Variants in CDC42SE2 observed in about 807,000 individuals in gnomAD.
The protein encoded by CDC42SE2 is CDC42 small effector protein 2.
Under a neutral mutation model 11.5 loss-of-function variants are expected in CDC42SE2, and 3 were observed. The ratio of observed to expected loss-of-function variants is 0.26; its 90% CI spans 0.12 to 0.67. CDC42SE2 has a LOEUF of 0.67. Ranked by LOEUF, CDC42SE2 falls within the 30% of genes least tolerant of loss-of-function variation. The probability of loss-of-function intolerance (pLI) is 0.80; values close to 1 mark genes in which losing one functional copy is unlikely to be tolerated. For synonymous variants in CDC42SE2, 33 were observed against 34.8 expected (o/e 0.95, Z 0.18); for missense variants, 82 against 106.8 (o/e 0.77, Z 1.02).
At chr5:131,350,257 G>A (rs553868377) in intron 2 of CDC42SE2, among the ~76,000 whole-genome samples, 5 of 151,390 alleles carry the variant, frequency 3.3e-5, no homozygotes, top group South Asian at 2.1e-4. Context: ...CTTCCTACTC[G>A]CTCATGTATA....
At chr5:131,367,644 A>G (rs992004733) in intron 3 of CDC42SE2, among the ~76,000 whole-genome samples, 2 of 152,186 alleles carry the variant, frequency 1.3e-5, no homozygotes, top group East Asian at 1.9e-4. Flanking sequence ...CTTGTGTGAA[A>G]GACATGCCTG....
intron 3 of CDC42SE2, among the ~76,000 whole-genome samples, chr5:131,375,657 A>C (rs1259579408): frequency 6.6e-6 from 1 of 152,212 alleles, no homozygotes; most frequent in Non-Finnish European, 1.5e-5. Context: ...ATACAGTACA[A>C]GTTCATGTAT....
intron 1 of CDC42SE2, among the ~76,000 whole-genome samples, chr5:131,305,971 G>T (rs1757770038): frequency 6.6e-6 from 1 of 152,090 alleles, no homozygotes; most frequent in Non-Finnish European, 1.5e-5. Context: ...TCTTTTCCTT[G>T]TGGATATCCA....
intron 2 of CDC42SE2, among the ~76,000 whole-genome samples, chr5:131,342,715 T>C (rs1396935540): frequency 2.0e-5 from 3 of 151,834 alleles, no homozygotes; most frequent in South Asian, 2.1e-4. Context: ...CATTGATTCT[T>C]TTTTATTTTT....
At chr5:131,259,278 T>C (rs1226727513), upstream of CDC42SE2, among the ~76,000 whole-genome samples, 2 of 152,220 alleles carry the variant, frequency 1.3e-5, no homozygotes, top group African/African-American at 4.8e-5. Flanking sequence ...GTATACATAA[T>C]ATACACTCAA....
intron 1 of CDC42SE2, among the ~76,000 whole-genome samples, chr5:131,290,850 G>C (rs1365230597): frequency 1.3e-5 from 2 of 151,954 alleles, no homozygotes; most frequent in Admixed American, 1.3e-4. Flanking sequence ...ATAGTAATTA[G>C]AACCTCATGG....
intron 3 of CDC42SE2, among the ~76,000 whole-genome samples, chr5:131,375,500 C>T (rs1750126381): frequency 6.6e-6 from 1 of 152,112 alleles, no homozygotes; most frequent in African/African-American, 2.4e-5. Context: ...TTTGGTTTCT[C>T]TGTGGTGATC....
rs1750758917 is a variant in CDC42SE2 at position 131,393,837 on chromosome 5, T to TG, written c.*2746_*2747insG. The stretch of plus-strand genomic sequence containing the variant: ...TCGCTGTTTTTTTTTTTTTTTTTTT[T>TG]TTTTTTGCTGCTCCAACGACCAGCA... On this transcript the variant is annotated 3_prime_UTR_variant, in exon 5 of 5. Transcript: ENST00000505065. The TG allele has an allele frequency of 2.1e-5, 3 of 145,638 alleles. No homozygotes were observed. The highest frequency in any genetic ancestry group is 7.7e-5 in the African/African-American group (3 of 38,954). 9.0% of individuals were successfully genotyped at this position (145,638 alleles called of 1,614,324 possible).
the CDC42SE2 span, among the ~76,000 whole-genome samples, chr5:131,225,676 C>T: frequency 6.6e-6 from 1 of 152,174 alleles, no homozygotes; most frequent in South Asian, 2.1e-4. Flanking sequence ...TCTCCCCTTG[C>T]ATGAAGAACC....
At chr5:131,322,051 C>T (rs1385384211) in intron 2 of CDC42SE2, among the ~76,000 whole-genome samples, 4 of 152,022 alleles carry the variant, frequency 2.6e-5, no homozygotes, top group East Asian at 3.9e-4. Flanking sequence ...GGGGTTTCAC[C>T]GTGTTAGCCA....
the CDC42SE2 span, among the ~76,000 whole-genome samples, chr5:131,232,828 C>T: frequency 6.6e-6 from 1 of 151,100 alleles, no homozygotes; most frequent in South Asian, 2.1e-4. Context: ...TTGACTAATC[C>T]TCATCATGCT....
chr5:131,388,229 C>G (rs896439721), intron 4 of CDC42SE2, among the ~76,000 whole-genome samples: 3 of 152,046 alleles, frequency 2.0e-5, no homozygotes, highest in Non-Finnish European at 4.4e-5. Context: ...TCCGGACCTC[C>G]GGTGATCCAC....
chr5:131,311,037 G>T (rs137878797), intron 1 of CDC42SE2, among the ~76,000 whole-genome samples: 33 of 149,878 alleles, frequency 2.2e-4, no homozygotes, highest in African/African-American at 6.2e-4. Flanking sequence ...TTCCTAGTCT[G>T]GATGGTCTTT....
intron 1 of CDC42SE2, among the ~76,000 whole-genome samples, chr5:131,313,575 A>G (rs185144479): frequency 3.9e-5 from 6 of 152,268 alleles, no homozygotes; most frequent in Admixed American, 2.6e-4. Context: ...TGAGAAAGCT[A>G]TCCTTTCTCT....
Position 131,337,129 on chromosome 5 carries a change from C to T in CDC42SE2, c.-286+20985C>T, listed in dbSNP as rs566273445. Reference sequence around the variant, plus strand: ...TACTTTTGGTCTTTGATGATGGTGACGTACAGATGGGTTTTTGGTGTGGAT... The same window carrying T: ...TACTTTTGGTCTTTGATGATGGTGATGTACAGATGGGTTTTTGGTGTGGAT... On this transcript the variant is annotated intron_variant, in intron 2 of 4. Transcript: ENST00000505065. Among the ~76,000 whole-genome samples, 6 of 152,214 alleles carry T rather than the reference C, an allele frequency of 3.9e-5. No individual in the cohort carries two copies. In the South Asian group the frequency reaches 8.3e-4, roughly 21 times the overall value.
intron 1 of CDC42SE2, among the ~76,000 whole-genome samples, chr5:131,268,052 T>G (rs933437417): frequency 6.9e-6 from 1 of 145,540 alleles, no homozygotes; most frequent in Non-Finnish European, 1.5e-5. Context: ...TACATGCTTA[T>G]TCTTTTTTTT....
intron 1 of CDC42SE2, among the ~76,000 whole-genome samples, chr5:131,275,739 A>G (rs772854529): frequency 5.9e-5 from 9 of 152,122 alleles, no homozygotes; most frequent in Non-Finnish European, 1.2e-4. Context: ...TTACTGAGAT[A>G]GCTCGATGGT....
chr5:131,358,994 G>A (rs1406323476), intron 2 of CDC42SE2, among the ~76,000 whole-genome samples: 5 of 152,198 alleles, frequency 3.3e-5, no homozygotes, highest in South Asian at 4.1e-4. Flanking sequence ...GATGCCCCAC[G>A]AAGGCAAAGA....
At chr5:131,368,073 G>A (rs934772979) in intron 3 of CDC42SE2, among the ~76,000 whole-genome samples, 1 of 151,944 alleles carries the variant, frequency 6.6e-6, no homozygotes, top group Admixed American at 6.6e-5. Flanking sequence ...CTAACACGGT[G>A]AAACCCTGTC....
Sources: gnomAD v4.1 joint callset for allele counts (sites outside exome capture counted in the v4.1 genomes callset) on GRCh38, gnomAD v4.1.1 for gene constraint, MANE v1.5 for transcripts, NCBI Gene and HGNC (gene_info 2026-07-23, HGNC 2026-07-21) for gene names.